Variants in CRADD observed in about 807,000 individuals in gnomAD.
The protein encoded by CRADD is death domain-containing protein CRADD.
In CRADD, 9 loss-of-function variants were observed where a neutral mutation model predicts 15.5. The ratio of observed to expected loss-of-function variants is 0.58; its 90% confidence interval spans 0.35 to 1.01. The LOEUF is 1.01. Among genes scored for constraint, CRADD ranks in the 50% least tolerant of loss-of-function variants. CRADD has a pLI of 0.02. For synonymous variants in CRADD, 118 were observed against 107.6 expected (o/e 1.10, Z -0.60); for missense variants, 227 against 250.3 (o/e 0.91, Z 0.63).
At chr12:93,687,557 G>A (rs1411308676) in intron 2 of CRADD, among the ~76,000 whole-genome samples, 4 of 152,186 alleles carry the variant, frequency 2.6e-5, no homozygotes, top group South Asian at 4.1e-4. Flanking sequence ...GCTTCGTGAG[G>A]TCATCTTAAA....
intron 2 of CRADD, among the ~76,000 whole-genome samples, chr12:93,800,581 GCTCTCT>G (rs144608445): frequency 6.7e-6 from 1 of 148,888 alleles, no homozygotes; most frequent in African/African-American, 2.5e-5. Flanking sequence ...ACTTACTCCT[GCTCTCT>G]CTCTCTCTCT....
At chr12:93,679,838 C>T (rs1955242166) in intron 2 of CRADD, among the ~76,000 whole-genome samples, 1 of 152,174 alleles carries the variant, frequency 6.6e-6, no homozygotes, top group Admixed American at 6.5e-5. Context: ...AGGAGACAGC[C>T]TCTAGGAAGG....
chr12:93,858,642 C>T (rs10859602), intron 2 of CRADD, among the ~76,000 whole-genome samples: 31,738 of 152,150 alleles, frequency 0.21, 3,831 homozygotes, highest in Middle Eastern at 0.31. Context: ...TCATTCTCCC[C>T]GGAGATAAGC....
intron 2 of CRADD, among the ~76,000 whole-genome samples, chr12:93,811,403 A>G (rs1957625087): frequency 6.6e-6 from 1 of 152,186 alleles, no homozygotes; most frequent in Non-Finnish European, 1.5e-5. Context: ...TAGGCTCAGG[A>G]TGGGGACGTT....
At chr12:93,798,884 C>T (rs185432734) in intron 2 of CRADD, among the ~76,000 whole-genome samples, 28 of 152,272 alleles carry the variant, frequency 1.8e-4, no homozygotes, top group African/African-American at 6.5e-4. Flanking sequence ...GATACCCAGC[C>T]ATGCCAACAA....
At chr12:93,856,279 G>A (rs1252039735) in intron 2 of CRADD, among the ~76,000 whole-genome samples, 6 of 152,240 alleles carry the variant, frequency 3.9e-5, no homozygotes, top group African/African-American at 1.4e-4. Flanking sequence ...CATACTCAGA[G>A]TTGGGGTGGA....
intron 2 of CRADD, among the ~76,000 whole-genome samples, chr12:93,749,718 T>C (rs1956809262): frequency 6.6e-6 from 1 of 152,160 alleles, no homozygotes; most frequent in African/African-American, 2.4e-5. Context: ...CTATTATGGG[T>C]TTTATCTATT....
rs114730344 is a variant in CRADD, at chr12:93,680,872, G to A, written c.298+1800G>A. Among the ~76,000 whole-genome samples the A allele has an allele frequency of 2.3e-3, 354 of 152,064 alleles. 1 individual carries two copies. Among genetic ancestry groups the A allele is most frequent in the African/African-American group, 8.2e-3 (339 of 41,480 alleles). On this transcript the variant is annotated intron_variant, in intron 2 of 2. Transcript: ENST00000332896. Reference sequence around the variant, plus strand: ...CAGATCATGCTGTTGTATGTCATTCGTAGAGGTATAATACCATTTTTTTTT... The same window carrying A: ...CAGATCATGCTGTTGTATGTCATTCATAGAGGTATAATACCATTTTTTTTT...
At chr12:93,874,655 T>G (rs1425471473) in intron 2 of CRADD, among the ~76,000 whole-genome samples, 1 of 152,090 alleles carries the variant, frequency 6.6e-6, no homozygotes, top group Non-Finnish European at 1.5e-5. Context: ...TTTAACTTCC[T>G]TTTTAATTTC....
intron 2 of CRADD, chr12:93,838,060 G>T (rs1288725088): frequency 6.6e-6 from 1 of 152,070 alleles, no homozygotes; most frequent in Non-Finnish European, 1.5e-5. Context: ...ACATAACCTT[G>T]TTCTTTGGAG....
At chr12:93,833,248 C>G (rs1173578893) in intron 2 of CRADD, among the ~76,000 whole-genome samples, 1 of 152,096 alleles carries the variant, frequency 6.6e-6, no homozygotes, top group Admixed American at 6.5e-5. Context: ...TAGATACCAC[C>G]CTAAGCATGT....
At chr12:93,779,770 T>G (rs906046108) in intron 2 of CRADD, among the ~76,000 whole-genome samples, 3 of 152,028 alleles carry the variant, frequency 2.0e-5, no homozygotes, top group African/African-American at 7.2e-5. Flanking sequence ...TTGTATTTTT[T>G]GGTAGAGAGA....
At chr12:93,801,608 AG>A (rs2136997372) in intron 2 of CRADD, among the ~76,000 whole-genome samples, 1 of 152,348 alleles carries the variant, frequency 6.6e-6, no homozygotes, top group African/African-American at 2.4e-5. Context: ...TATGTTGGCC[AG>A]GCTGGTCTTG....
intron 2 of CRADD, among the ~76,000 whole-genome samples, chr12:93,813,630 G>T (rs1456581414): frequency 6.6e-6 from 1 of 152,092 alleles, no homozygotes; most frequent in African/African-American, 2.4e-5. Flanking sequence ...ATCAGAGTGT[G>T]TATGACAAAT....
At chr12:93,839,562 T>C (rs558341457) in intron 2 of CRADD, among the ~76,000 whole-genome samples, 3 of 152,344 alleles carry the variant, frequency 2.0e-5, no homozygotes, top group South Asian at 2.1e-4. Context: ...TTTATTTCCA[T>C]TGGCGGTGAA....
Position 93,677,398 on chromosome 12 carries a change from T to C in CRADD, c.-81T>C, listed in dbSNP as rs551823054. On this transcript the variant is annotated 5_prime_UTR_variant, in exon 1 of 3. The change abolishes an upstream ATG in the 5' untranslated region. Transcript: ENST00000332896. ...TCGCCATTAACAAAGATGGTGCTTA[T>C]GGGGCAGGTTCCCTAACAGTCAGGA... The C allele has an allele frequency of 6.6e-6, 1 of 152,248 alleles. No homozygotes were observed. Among genetic ancestry groups the C allele is most frequent in the Non-Finnish European group, 1.5e-5 (1 of 68,036 alleles). The allele number at this position is 152,248 out of a possible 1,614,324, so 9.4% of individuals were successfully genotyped here.
intron 2 of CRADD, among the ~76,000 whole-genome samples, chr12:93,871,556 G>A (rs1003722111): frequency 1.5e-4 from 23 of 151,842 alleles, no homozygotes; most frequent in African/African-American, 4.1e-4. Flanking sequence ...CACCTCTCCC[G>A]CAGCTCCCCA....
At position 93,701,295 on chromosome 12, in the gene CRADD, GACACAC is replaced by G. The variant is rs55986038; in HGVS notation, c.298+22255_298+22260del. ...CATATCCTTCTCTCTCTCTCTCTGT[GACACAC>G]ACACACACACACACACACACACACA... On this transcript the variant is annotated intron_variant, in intron 2 of 2. Coordinates refer to ENST00000332896, the MANE Select transcript of CRADD (RefSeq NM_003805.5). 4.4e-4 allele frequency among the ~76,000 whole-genome samples: 63 copies of G among 143,458 alleles called. 3 individuals carry two copies. The highest frequency in any genetic ancestry group is 1.5e-3 in the Admixed American group (21 of 14,334). The allele number at this position is 143,458 out of a possible 152,430, so 94.1% of individuals were successfully genotyped here. A position where few individuals can be genotyped will look rare whatever the true frequency, so the allele number is the denominator to read the frequency against.
At chr12:93,810,287 G>A (rs1401714007) in intron 2 of CRADD, among the ~76,000 whole-genome samples, 1 of 152,046 alleles carries the variant, frequency 6.6e-6, no homozygotes, top group African/African-American at 2.4e-5. Flanking sequence ...GGTGGCTCAC[G>A]CCTGTAATCC....
Sources: allele counts gnomAD v4.1 joint callset (sites outside exome capture counted in the v4.1 genomes callset), GRCh38; gene constraint gnomAD v4.1.1; transcripts MANE v1.5; gene names NCBI Gene and HGNC (gene_info 2026-07-23, HGNC 2026-07-21).